Variants in OSBPL2 observed in about 807,000 individuals in gnomAD.
OSBPL2 encodes the protein oxysterol-binding protein-related protein 2.
In OSBPL2, 18 loss-of-function variants were observed where a neutral mutation model predicts 58.4. The ratio of observed to expected loss-of-function variants is 0.31; its 90% confidence interval spans 0.21 to 0.46. The LOEUF is 0.46. Among genes scored for constraint, OSBPL2 ranks in the 20% least tolerant of loss-of-function variants. OSBPL2 has a pLI of 1.00. For synonymous variants in OSBPL2, 221 were observed against 234.1 expected (o/e 0.94, Z 0.51); for missense variants, 461 against 616.5 (o/e 0.75, Z 2.67).
At chr20:62,265,966 TTAA>T (rs1981634226) in intron 4 of OSBPL2, among the ~76,000 whole-genome samples, 1 of 151,906 alleles carries the variant, frequency 6.6e-6, no homozygotes, top group Non-Finnish European at 1.5e-5. Flanking sequence ...ACAAAAAAAT[TTAA>T]AAGATTAGCC....
At chr20:62,291,169 G>A (rs931691043) in intron 12 of OSBPL2, 3 of 185,028 alleles carry the variant, frequency 1.6e-5, no homozygotes, top group African/African-American at 7.1e-5. Context: ...GCTTGAATTA[G>A]TGATGTTTTC....
chr20:62,284,161 G>A lies in OSBPL2; in HGVS notation c.988G>A (p.Ala330Thr), dbSNP rs748666263. The A allele has an allele frequency of 6.2e-7, 1 of 1,614,120 alleles. No homozygotes were observed. Among genetic ancestry groups the A allele is most frequent in the Non-Finnish European group, 8.5e-7 (1 of 1,180,010 alleles). ...QERRGDHLRK[A>T]KLDEDSGKAD... ...GAGGAGAGGTGACCACCTGAGAAAG[G>A]CCAAGCTGGTAAGGGCTGGGGCGTC... Residue 330 changes from alanine (A) to threonine (T), a missense_variant, in exon 10 of 14, where the codon GCC becomes ACC. By Grantham distance (58) the Ala-to-Thr change is moderately conservative (BLOSUM62 0). Coordinates refer to ENST00000313733, the MANE Select transcript of OSBPL2 (RefSeq NM_144498.4).
chr20:62,250,768 T>C (rs1274307233), intron 1 of OSBPL2, among the ~76,000 whole-genome samples: 1 of 152,010 alleles, frequency 6.6e-6, no homozygotes, highest in African/African-American at 2.4e-5. Flanking sequence ...AAGCAGTTTT[T>C]TAAACAATTA....
intron 12 of OSBPL2, among the ~76,000 whole-genome samples, chr20:62,290,417 T>G (rs1011427203): frequency 1.3e-4 from 18 of 133,540 alleles, no homozygotes; most frequent in Non-Finnish European, 2.9e-4. Context: ...TTGGGTTTTT[T>G]TTTTTTTTTT....
At chr20:62,254,756 T>G (rs1345192330) in intron 1 of OSBPL2, among the ~76,000 whole-genome samples, 1 of 151,970 alleles carries the variant, frequency 6.6e-6, no homozygotes, top group Non-Finnish European at 1.5e-5. Context: ...TTTGGCTTCC[T>G]TCTCTTGTCG....
chr20:62,280,308 T>C (rs1601191526), intron 7 of OSBPL2: 2 of 364,642 alleles, frequency 5.5e-6, no homozygotes, highest in East Asian at 1.5e-4. Context: ...CCCCTGAGAG[T>C]GTGTCCTGGG....
At chr20:62,244,943 A>G (rs943865042) in intron 1 of OSBPL2, among the ~76,000 whole-genome samples, 12 of 152,264 alleles carry the variant, frequency 7.9e-5, no homozygotes, top group African/African-American at 2.4e-5. Flanking sequence ...TTCTCAGTGT[A>G]GAAACTTCCT....
chr20:62,278,492 G>A (rs1209938667), intron 6 of OSBPL2: 2 of 161,472 alleles, frequency 1.2e-5, no homozygotes, highest in African/African-American at 5.5e-5. Flanking sequence ...ATTAGGCCAA[G>A]TGCGATGTCA....
intron 13 of OSBPL2, among the ~76,000 whole-genome samples, chr20:62,293,343 A>G (rs949088471): frequency 6.6e-6 from 1 of 152,180 alleles, no homozygotes; most frequent in Non-Finnish European, 1.5e-5. Context: ...ACCAGCGCCA[A>G]CACTCAGGCC....
At chr20:62,289,510 G>A (rs538190035) in intron 12 of OSBPL2, among the ~76,000 whole-genome samples, 180 bp downstream of exon 12, 14 of 152,240 alleles carry the variant, frequency 9.2e-5, no homozygotes, top group Non-Finnish European at 1.8e-4. Context: ...ACCGTCTGTG[G>A]TGAAGGGCTT....
chr20:62,286,778 C>T, intron 11 of OSBPL2, 67 bp downstream of exon 11: 2 of 1,544,622 alleles, frequency 1.3e-6, no homozygotes, highest in South Asian at 2.3e-5. Flanking sequence ...GGCCCAGCCC[C>T]ACGGCTCTTC....
intron 4 of OSBPL2, among the ~76,000 whole-genome samples, chr20:62,263,982 G>A (rs1004736387): frequency 4.6e-5 from 7 of 151,224 alleles, no homozygotes; most frequent in African/African-American, 1.2e-4. Context: ...GGAGAATGGC[G>A]TGAACCCAGG....
At chr20:62,263,547 C>A in intron 3 of OSBPL2, 69 bp from the exon 4 acceptor site, 1 of 1,189,344 alleles carries the variant, frequency 8.4e-7, no homozygotes, top group Non-Finnish European at 1.3e-6. Flanking sequence ...CGTCATTGAG[C>A]ACAGCCTCCT....
rs550523033 is a variant in OSBPL2 at position 62,258,547 on chromosome 20, G to C, written c.38-1434G>C. On this transcript the variant is annotated intron_variant, in intron 2 of 13. Transcript: ENST00000313733. ...AGGGAGCCGACGATAGGAGATCTCA[G>C]CTTCCTCCTTTGCTCATCTGTATTT... is the stretch of plus-strand genomic sequence containing the variant. Among the ~76,000 whole-genome samples, 4 of 152,362 alleles carry C rather than the reference G, an allele frequency of 2.6e-5. No homozygotes were observed. The East Asian group carries it at 5.8e-4, about 22-fold the overall frequency.
chr20:62,277,216 C>A (rs1982438354), intron 6 of OSBPL2, among the ~76,000 whole-genome samples: 1 of 152,188 alleles, frequency 6.6e-6, no homozygotes. Flanking sequence ...CGCCACTGCA[C>A]TCCAGCCTGG....
At chr20:62,239,643 C>T (rs1979586642) in intron 1 of OSBPL2, among the ~76,000 whole-genome samples, 1 of 152,212 alleles carries the variant, frequency 6.6e-6, no homozygotes, top group Non-Finnish European at 1.5e-5. Flanking sequence ...TGGCTGGGTG[C>T]TGTGCGGCCT....
chr20:62,260,573 G>A (rs184910924), intron 3 of OSBPL2, among the ~76,000 whole-genome samples: 23 of 152,298 alleles, frequency 1.5e-4, no homozygotes, highest in Middle Eastern at 3.4e-3. Flanking sequence ...GTTCAGCTCT[G>A]ACCCCTACAG....
chr20:62,247,580 TCAGGAGGAGG>T (rs939975579), intron 1 of OSBPL2, among the ~76,000 whole-genome samples: 12 of 151,996 alleles, frequency 7.9e-5, no homozygotes, highest in African/African-American at 9.6e-5. Flanking sequence ...CTTTGACCTG[TCAGGAGGAGG>T]CAGGAGGAGG....
intron 13 of OSBPL2, among the ~76,000 whole-genome samples, chr20:62,292,749 G>C (rs1432584798): frequency 6.6e-6 from 1 of 152,156 alleles, no homozygotes; most frequent in African/African-American, 2.4e-5. Flanking sequence ...CTTACATGTG[G>C]CTGGCGTTTT....
Sources: gnomAD v4.1 joint callset for allele counts (sites outside exome capture counted in the v4.1 genomes callset) on GRCh38, gnomAD v4.1.1 for gene constraint, MANE v1.5 for transcripts, NCBI Gene and HGNC (gene_info 2026-07-23, HGNC 2026-07-21) for gene names.